Variants in LOXHD1 observed in about 807,000 individuals in gnomAD.
LOXHD1 encodes the protein lipoxygenase homology domain-containing protein 1.
Under a neutral mutation model 248.2 loss-of-function variants are expected in LOXHD1, and 205 were observed. That is an observed-to-expected ratio of 0.83 (90% confidence interval 0.74 to 0.93). LOXHD1 has a LOEUF of 0.93. Among genes scored for constraint, LOXHD1 ranks in the 40% least tolerant of loss-of-function variants. The pLI is 0.00. For missense variants in LOXHD1, 2,930 were observed against 2,971.6 expected (o/e 0.99, Z 0.33); for synonymous variants, 1,113 against 1,162.8 (o/e 0.96, Z 0.87).
intron 37 of LOXHD1, among the ~76,000 whole-genome samples, chr18:46,494,795 C>T (rs2033721324): frequency 6.6e-6 from 1 of 151,430 alleles, no homozygotes; most frequent in South Asian, 2.1e-4. Flanking sequence ...ATTACTTTTG[C>T]ACCAACCTAA....
chr18:46,579,823 C>T (rs1436869976), intron 12 of LOXHD1, 39 bp from the exon 13 acceptor site: 1 of 1,534,046 alleles, frequency 6.5e-7, no homozygotes, highest in Admixed American at 2.0e-5. Context: ...CTGACAGCCC[C>T]CTGCTTCCCA....
At chr18:46,521,895 A>T (rs2144132508) in intron 32 of LOXHD1, among the ~76,000 whole-genome samples, 1 of 152,242 alleles carries the variant, frequency 6.6e-6, no homozygotes, top group Admixed American at 6.5e-5. Flanking sequence ...GAACATTCCC[A>T]CTGGGTGGGT....
chr18:46,511,400 C>T (rs474820), intron 34 of LOXHD1, among the ~76,000 whole-genome samples: 1 of 152,148 alleles, frequency 6.6e-6, no homozygotes, highest in Non-Finnish European at 1.5e-5. Context: ...AGGATTTTTG[C>T]TGTTCATCTA....
Position 46,562,928 on chromosome 18 carries a change from G to C in LOXHD1, c.2598+137C>G, listed in dbSNP as rs2037559615. On this transcript the variant is annotated intron_variant, in intron 18 of 40. Coordinates refer to ENST00000642948, the MANE Select transcript of LOXHD1 (RefSeq NM_001384474.1). ...GCCGAAAGCTCAGGTCTGGAGAGAGGAAGCATTTTCCACCCAACTGGAGGG... is the reference window on the plus strand; with the variant it reads ...GCCGAAAGCTCAGGTCTGGAGAGAGCAAGCATTTTCCACCCAACTGGAGGG... The C allele has an allele frequency of 1.2e-5, 12 of 1,021,310 alleles. No individual in the cohort carries two copies. The East Asian group carries it at 3.2e-4, about 28-fold the overall frequency. 63.3% of individuals were successfully genotyped at this position (1,021,310 alleles called of 1,614,324 possible). A position where few individuals can be genotyped will look rare whatever the true frequency, so the allele number is the denominator to read the frequency against.
rs2144328139 is a variant in LOXHD1, at chr18:46,618,183, A to T, written c.610+9T>A. 6.5e-6 allele frequency: 10 copies of T among 1,543,022 alleles called. No individual in the cohort carries two copies. The highest frequency in any genetic ancestry group is 7.9e-6 in the Non-Finnish European group (9 of 1,140,284). On this transcript the variant is annotated intron_variant, in intron 5 of 40. Coordinates refer to ENST00000642948, the MANE Select transcript of LOXHD1 (RefSeq NM_001384474.1). ...TTGGCTTATGAAAAAAATAATTCAAACCCATTACCTGTGTCTCCATACTCT... is the reference window on the plus strand; with the variant it reads ...TTGGCTTATGAAAAAAATAATTCAATCCCATTACCTGTGTCTCCATACTCT...
intron 7 of LOXHD1, among the ~76,000 whole-genome samples, chr18:46,601,951 G>C (rs2144286903): frequency 6.6e-6 from 1 of 152,252 alleles, no homozygotes; most frequent in African/African-American, 2.4e-5. Flanking sequence ...ACTTTTAATA[G>C]AGGACATTAA....
chr18:46,529,414 G>T, intron 28 of LOXHD1, 83 bp from the exon 29 acceptor site: 1 of 1,453,080 alleles, frequency 6.9e-7, no homozygotes, highest in South Asian at 1.5e-5. Flanking sequence ...TGGATTTGTA[G>T]GAGGTGCTAA....
rs146881375 is a variant in LOXHD1 at position 46,553,795 on chromosome 18, G to A, written c.3350+3561C>T. Reference sequence around the variant, plus strand: ...AAGAGAAATGAGGGGAAGAGGGTACGCTAGGCCTCACTGAGAAGGTGACAT... The same window carrying A: ...AAGAGAAATGAGGGGAAGAGGGTACACTAGGCCTCACTGAGAAGGTGACAT... On this transcript the variant is annotated intron_variant, in intron 21 of 40. Transcript: ENST00000642948. Among the ~76,000 whole-genome samples, 26 of 152,308 alleles carry A rather than the reference G, an allele frequency of 1.7e-4. No individual in the cohort carries two copies. The East Asian group carries it at 2.5e-3, about 15-fold the overall frequency.
intron 12 of LOXHD1, 89 bp downstream of exon 12, chr18:46,591,844 A>T: frequency 6.7e-7 from 1 of 1,485,352 alleles, no homozygotes; most frequent in East Asian, 2.5e-5. Flanking sequence ...TGCAAAGCAG[A>T]CAAGACTCTC....
chr18:46,559,649 G>C (rs1442323820), intron 19 of LOXHD1, 47 bp from the exon 20 acceptor site: 4 of 1,540,290 alleles, frequency 2.6e-6, no homozygotes, highest in Admixed American at 2.0e-5. Flanking sequence ...TGGCCATGGG[G>C]TGTTTGGACC....
intron 2 of LOXHD1, among the ~76,000 whole-genome samples, chr18:46,642,671 A>G (rs2038978156): frequency 6.6e-6 from 1 of 152,248 alleles, no homozygotes; most frequent in Non-Finnish European, 1.5e-5. Flanking sequence ...ATCAGCCGTG[A>G]GGCAGCCAGG....
chr18:46,539,278 T>C (rs1453282040), intron 25 of LOXHD1, among the ~76,000 whole-genome samples: 6 of 152,198 alleles, frequency 3.9e-5, no homozygotes, highest in Non-Finnish European at 8.8e-5. Context: ...CCGGCCAACA[T>C]GGCAAAACCC....
chr18:46,612,526 A>T (rs975441999), intron 5 of LOXHD1, among the ~76,000 whole-genome samples: 1 of 151,700 alleles, frequency 6.6e-6, no homozygotes, highest in African/African-American at 2.4e-5. Flanking sequence ...CTCTTCTGTA[A>T]TTTTTCCATT....
intron 36 of LOXHD1, 69 bp downstream of exon 36, chr18:46,507,469 A>T (rs1406115049): frequency 6.5e-7 from 1 of 1,531,602 alleles, no homozygotes; most frequent in Non-Finnish European, 8.8e-7. Flanking sequence ...ACCAGAAACA[A>T]GGGCCTGAGC....
intron 18 of LOXHD1, among the ~76,000 whole-genome samples, chr18:46,561,320 G>A (rs1405149972): frequency 2.0e-5 from 3 of 152,258 alleles, no homozygotes; most frequent in East Asian, 3.9e-4. Context: ...CTACCAGGAT[G>A]GGCATAGCAC....
chr18:46,480,378 G>A lies in LOXHD1; in HGVS notation c.6342-2426C>T, dbSNP rs192804626. On this transcript the variant is annotated intron_variant, in intron 40 of 40. Transcript: ENST00000642948. Reference sequence around the variant, plus strand: ...TACATAGACATATGGGGATGTCAGTGTTCCCTTTACAAAACGGCATCACAT... The same window carrying A: ...TACATAGACATATGGGGATGTCAGTATTCCCTTTACAAAACGGCATCACAT... Among the ~76,000 whole-genome samples the A allele has an allele frequency of 3.3e-5, 5 of 152,230 alleles. No individual in the cohort carries two copies. In the East Asian group the frequency reaches 9.6e-4, roughly 29 times the overall value.
intron 5 of LOXHD1, among the ~76,000 whole-genome samples, chr18:46,613,997 T>C (rs904458828): frequency 2.6e-5 from 4 of 152,148 alleles, no homozygotes; most frequent in African/African-American, 9.7e-5. Context: ...ATCAGAGAAA[T>C]GCAAATCAAA....
intron 32 of LOXHD1, 32 bp downstream of exon 32, chr18:46,522,069 G>T (rs939536824): frequency 1.3e-5 from 20 of 1,518,680 alleles, no homozygotes; most frequent in Non-Finnish European, 1.7e-5. Context: ...CCCTAGGGTG[G>T]TCACTATCAT....
intron 37 of LOXHD1, among the ~76,000 whole-genome samples, chr18:46,501,431 G>A (rs935195326): frequency 6.6e-6 from 1 of 152,136 alleles, no homozygotes; most frequent in Non-Finnish European, 1.5e-5. Flanking sequence ...ATAGTGGTTG[G>A]TCCTCAAGCT....
Sources: allele counts gnomAD v4.1 joint callset (sites outside exome capture counted in the v4.1 genomes callset), GRCh38; gene constraint gnomAD v4.1.1; transcripts MANE v1.5; gene names NCBI Gene and HGNC (gene_info 2026-07-23, HGNC 2026-07-21).